Variants in SVEP1 observed in about 807,000 individuals in gnomAD.
The protein encoded by SVEP1 is sushi, von Willebrand factor type A, EGF and pentraxin domain-containing protein 1.
SVEP1 carries 164 observed loss-of-function variants against 367.3 expected under a neutral mutation model. The observed-to-expected ratio is 0.45, with a 90% CI of 0.39 to 0.51. The LOEUF (loss-of-function observed/expected upper bound fraction) is 0.51, where lower values mean the gene tolerates loss of function less well. Among genes scored for constraint, SVEP1 ranks in the 20% least tolerant of loss-of-function variants. The pLI is 0.00. For synonymous variants in SVEP1, 1,666 were observed against 1,611.6 expected, an observed-to-expected ratio of 1.03 and a Z score of -0.81; for missense variants, 4,117 against 4,425.3, an observed-to-expected ratio of 0.93 and a Z score of 1.98.
Position 110,471,429 on chromosome 9 carries a change from G to A in SVEP1, c.2933C>T (p.Ser978Leu). 1 of 1,613,936 alleles carries A rather than the reference G, an allele frequency of 6.2e-7. No individual in the cohort carries two copies. Among genetic ancestry groups the A allele is most frequent in the East Asian group, 2.2e-5 (1 of 44,872 alleles). ...GGGGGAAGCCTTTTTTGTTTCTAAT[G>A]AATTGCTGTCGGCTATAAGTATTTC... The part of the protein sequence containing the change: ...ASEILIADSN[S>L]LETKKASPFC... Residue 978 changes from serine to leucine, a missense_variant, in exon 16 of 48, where the codon TCA becomes TTA. Ser to Leu is a moderately radical substitution (Grantham distance 145). Transcript: ENST00000374469.
At chr9:110,569,320 G>C (rs374430343) in intron 1 of SVEP1, among the ~76,000 whole-genome samples, 2 of 151,954 alleles carry the variant, frequency 1.3e-5, no homozygotes, top group Non-Finnish European at 2.9e-5. Flanking sequence ...GCTGAGCATG[G>C]TGGTGCATGC....
chr9:110,460,112 T>C, intron 18 of SVEP1, among the ~76,000 whole-genome samples: 1 of 152,158 alleles, frequency 6.6e-6, no homozygotes, highest in East Asian at 1.9e-4. Context: ...GTTTTATCGT[T>C]AGTATTTTTA....
chr9:110,504,570 A>G (rs1829593527), intron 5 of SVEP1, among the ~76,000 whole-genome samples: 1 of 152,348 alleles, frequency 6.6e-6, no homozygotes, highest in South Asian at 2.1e-4. Context: ...CAGTGGAGCT[A>G]TTACACCAAC....
At position 110,406,923 on chromosome 9, in the gene SVEP1, T is replaced by C. The variant is rs757367726; in HGVS notation, c.8677A>G (p.Thr2893Ala). Reference protein sequence around the residue: ...TPDCVPVRCATPPQLANGVTE... With the variant: ...TPDCVPVRCAAPPQLANGVTE... ...ACCCCATTGGCCAGTTGTGGCGGGG[T>C]GGCACATCTGACAGGCACACAGTCG... is the stretch of plus-strand genomic sequence containing the variant. Residue 2893 changes from threonine (T) to alanine (A), a missense_variant, in exon 38 of 48, where the codon ACC becomes GCC. This residue lies in a region of SVEP1 where 1,765 missense variants were observed against 1,781.1 expected (regional missense o/e 0.99). Coordinates refer to ENST00000374469, the MANE Select transcript of SVEP1 (RefSeq NM_153366.4). The C allele has an allele frequency of 6.3e-7, 1 of 1,576,090 alleles. No homozygotes were observed. The highest frequency in any genetic ancestry group is 8.6e-7 in the Non-Finnish European group (1 of 1,163,702).
At chr9:110,519,005 C>T (rs2118788506) in intron 3 of SVEP1, among the ~76,000 whole-genome samples, 1 of 152,342 alleles carries the variant, frequency 6.6e-6, no homozygotes, top group East Asian at 1.9e-4. Flanking sequence ...AATGAACCAG[C>T]ATATCATAAG....
At chr9:110,463,963 T>C (rs1828899261) in intron 18 of SVEP1, among the ~76,000 whole-genome samples, 1 of 152,144 alleles carries the variant, frequency 6.6e-6, no homozygotes, top group Non-Finnish European at 1.5e-5. Flanking sequence ...TAGAGACTTT[T>C]TGGGAATTAT....
At chr9:110,377,436 C>T in intron 44 of SVEP1, 70 bp from the exon 45 acceptor site, 1 of 1,392,694 alleles carries the variant, frequency 7.2e-7, no homozygotes, top group African/African-American at 1.4e-5. Flanking sequence ...AATAGAATTG[C>T]CCCTTTATAT....
intron 45 of SVEP1, among the ~76,000 whole-genome samples, chr9:110,376,479 C>A (rs1385201411): frequency 6.6e-6 from 1 of 152,086 alleles, no homozygotes; most frequent in Non-Finnish European, 1.5e-5. Flanking sequence ...TTGTTAGCAG[C>A]CTAAATTTAT....
At chr9:110,446,776 G>A (rs1292297316) in intron 25 of SVEP1, 124 bp downstream of exon 25, 4 of 718,992 alleles carry the variant, frequency 5.6e-6, no homozygotes, top group Non-Finnish European at 8.1e-6. Context: ...AAGATTAAAT[G>A]AGTACAAAGT....
chr9:110,416,929 C>T (rs2118522897), intron 36 of SVEP1, among the ~76,000 whole-genome samples: 1 of 152,142 alleles, frequency 6.6e-6, no homozygotes, highest in South Asian at 2.1e-4. Context: ...GTAGCATCTT[C>T]CCCCCAGTTG....
Position 110,476,398 on chromosome 9 carries a change from C to A in SVEP1, c.2488-83G>T, listed in dbSNP as rs576557250. On this transcript the variant is annotated intron_variant, in intron 13 of 47. Transcript: ENST00000374469. The stretch of plus-strand genomic sequence containing the variant: ...AAACACTTTGCTCCCCTGGCCTTCA[C>A]GTCTCCATCAGCAGGAGGGAAGGGA... 1.1e-4 allele frequency: 108 copies of A among 1,011,654 alleles called. 1 individual carries two copies. Among genetic ancestry groups the A allele is most frequent in the Admixed American group, 1.9e-5 (1 of 53,244 alleles). 62.7% of individuals were successfully genotyped at this position (1,011,654 alleles called of 1,614,324 possible). A position where few individuals can be genotyped will look rare whatever the true frequency, so the allele number is the denominator to read the frequency against.
chr9:110,466,878 C>CA (rs1828947194), intron 17 of SVEP1, among the ~76,000 whole-genome samples: 1 of 151,462 alleles, frequency 6.6e-6, no homozygotes, highest in Non-Finnish European at 1.5e-5. Context: ...TAAAAGCAGA[C>CA]ATACCTTCAT....
intron 43 of SVEP1, among the ~76,000 whole-genome samples, chr9:110,383,612 C>A (rs1052469054): frequency 6.6e-6 from 1 of 152,142 alleles, no homozygotes; most frequent in African/African-American, 2.4e-5. Context: ...CTTAACAAAG[C>A]GCTCTAGCTG....
intron 1 of SVEP1, among the ~76,000 whole-genome samples, chr9:110,562,236 A>T (rs937557448): frequency 1.3e-5 from 2 of 150,312 alleles, no homozygotes; most frequent in African/African-American, 4.9e-5. Flanking sequence ...GAATAGCAAA[A>T]ACAAAAAAAA....
chr9:110,379,367 G>T lies in SVEP1; in HGVS notation c.10388C>A (p.Thr3463Lys), dbSNP rs769507391. The T allele has an allele frequency of 1.9e-6, 3 of 1,613,656 alleles. No individual in the cohort carries two copies. The highest frequency in any genetic ancestry group is 2.5e-6 in the Non-Finnish European group (3 of 1,179,730). Residue 3463 changes from threonine (T) to lysine (K), a missense_variant, in exon 44 of 48, where the codon ACA becomes AAA. Thr to Lys is a moderately conservative substitution (Grantham distance 78). Transcript: ENST00000374469. ...RSVCLENGTW[T>K]SPPICRAVCR... The stretch of plus-strand genomic sequence containing the variant: ...CTTACCTCTGCAAATAGGAGGTGAT[G>T]TCCATGTTCCATTTTCTAAACAAAC...
intron 2 of SVEP1, among the ~76,000 whole-genome samples, chr9:110,546,951 A>G (rs1439644414): frequency 1.3e-5 from 2 of 152,174 alleles, no homozygotes; most frequent in Non-Finnish European, 2.9e-5. Flanking sequence ...GAATCACACA[A>G]ACAGTAAGTC....
intron 1 of SVEP1, among the ~76,000 whole-genome samples, chr9:110,559,044 C>T (rs1447030087): frequency 3.3e-5 from 5 of 151,858 alleles, no homozygotes; most frequent in Non-Finnish European, 7.4e-5. Context: ...TAAAAATATA[C>T]CTCATTAGTA....
At chr9:110,369,288 C>A (rs984703292) in intron 47 of SVEP1, among the ~76,000 whole-genome samples, 3 of 152,082 alleles carry the variant, frequency 2.0e-5, no homozygotes, top group African/African-American at 7.2e-5. Flanking sequence ...TATTTTTAAA[C>A]TGTGATATTT....
In SVEP1 at chr9:110,407,227, G is replaced by A. The variant is rs1827969670; in HGVS notation, c.8373C>T (p.Tyr2791=). Residue 2791 remains tyrosine (Y), a synonymous_variant, in exon 38 of 48, where the codon TAC becomes TAT. Transcript: ENST00000374469. ...CATAGTACAACGTGCTCAGGTATGT[G>A]TAGTTGCTTCCTTTGATGGATCCAT... The part of the protein sequence containing the change: ...VMNGSIKGSN[Y]TYLSTLYYEC... The A allele has an allele frequency of 6.2e-7, 1 of 1,613,964 alleles. No homozygotes were observed.
Sources: allele counts gnomAD v4.1 joint callset (sites outside exome capture counted in the v4.1 genomes callset), GRCh38; gene constraint gnomAD v4.1.1; regional missense constraint gnomAD v4.1.1; transcripts MANE v1.5; gene names NCBI Gene and HGNC (gene_info 2026-07-23, HGNC 2026-07-21).